PHF21B: variants seen among roughly 807,000 people sequenced by gnomAD.
PHF21B encodes PHD finger protein 21B, also known as PHD finger protein 4.
Under a neutral mutation model 62.2 loss-of-function variants are expected in PHF21B, and 22 were observed. The observed-to-expected ratio is 0.35, with a 90% confidence interval of 0.25 to 0.51. PHF21B has a LOEUF of 0.51. PHF21B is among the 20% of genes least tolerant of loss of function. PHF21B has a pLI of 0.97. For missense variants in PHF21B, 701 were observed against 707.9 expected (o/e 0.99, Z 0.11); for synonymous variants, 341 against 314.7 (o/e 1.08, Z -0.88).
intron 2 of PHF21B, among the ~76,000 whole-genome samples, chr22:44,938,294 C>T (rs1286019955): frequency 2.6e-5 from 4 of 152,132 alleles, no homozygotes; most frequent in Non-Finnish European, 5.9e-5. Context: ...AGTGCAGTGG[C>T]GCGGACTTGG....
intron 2 of PHF21B, among the ~76,000 whole-genome samples, chr22:44,939,179 T>C (rs1826960881): frequency 1.3e-5 from 2 of 152,156 alleles, no homozygotes; most frequent in Non-Finnish European, 2.9e-5. Flanking sequence ...AGACTCCCGC[T>C]GAGCCAAAAG....
intron 2 of PHF21B, among the ~76,000 whole-genome samples, chr22:44,992,501 G>A (rs891870464): frequency 5.3e-5 from 8 of 152,244 alleles, no homozygotes; most frequent in Admixed American, 2.6e-4. Flanking sequence ...TGTCAAGCAC[G>A]TCACCCACAT....
At chr22:44,945,323 C>T (rs2072045252) in intron 2 of PHF21B, among the ~76,000 whole-genome samples, 1 of 152,176 alleles carries the variant, frequency 6.6e-6, no homozygotes, top group African/African-American at 2.4e-5. Flanking sequence ...CCCCAGCGCC[C>T]TGTGAATGGG....
At position 45,009,187 on chromosome 22, in the gene PHF21B, G is replaced by A; in HGVS notation, c.54+309C>T. 2 of 421,374 alleles carry A rather than the reference G, an allele frequency of 4.7e-6. No individual in the cohort carries two copies. The highest frequency in any genetic ancestry group is 3.9e-6 in the Non-Finnish European group (1 of 257,406). 26.1% of individuals were successfully genotyped at this position (421,374 alleles called of 1,614,324 possible). A position where few individuals can be genotyped will look rare whatever the true frequency, so the allele number is the denominator to read the frequency against. On this transcript the variant is annotated intron_variant, in intron 1 of 12. Coordinates refer to ENST00000313237, the MANE Select transcript of PHF21B (RefSeq NM_138415.5). This position sits in a 1 kb window ranked among gnomAD's most constrained non-coding sequence, Gnocchi z 5.9. Reference sequence around the variant, plus strand: ...TATTCGCACTCCCCTCCCCGGGACCGGCTCACGAAGGGGCCCCCTCCAGGC... The same window carrying A: ...TATTCGCACTCCCCTCCCCGGGACCAGCTCACGAAGGGGCCCCCTCCAGGC...
intron 2 of PHF21B, among the ~76,000 whole-genome samples, chr22:44,938,200 G>C (rs557783620): frequency 3.3e-5 from 5 of 152,240 alleles, no homozygotes; most frequent in Admixed American, 2.6e-4. Context: ...TCAGTCTCCC[G>C]AGTAGCTGGG....
intron 2 of PHF21B, among the ~76,000 whole-genome samples, chr22:44,934,095 C>G (rs1268028738): frequency 6.6e-6 from 1 of 152,212 alleles, no homozygotes; most frequent in Admixed American, 6.5e-5. Context: ...CTGACGTGGG[C>G]ATGGCAGCCC....
At chr22:44,891,382 C>A in intron 7 of PHF21B, 22 bp from the exon 8 acceptor site, 3 of 1,612,062 alleles carry the variant, frequency 1.9e-6, no homozygotes, top group Non-Finnish European at 2.5e-6. Flanking sequence ...GAAAACAAAA[C>A]AACACACCCC....
intron 2 of PHF21B, among the ~76,000 whole-genome samples, chr22:44,981,349 C>T (rs1472454917): frequency 3.9e-5 from 6 of 152,198 alleles, no homozygotes; most frequent in African/African-American, 1.2e-4. Flanking sequence ...AGCTCCTTCT[C>T]GTGACCCCCT....
intron 5 of PHF21B, among the ~76,000 whole-genome samples, chr22:44,908,081 C>G (rs902387119): frequency 6.6e-6 from 1 of 152,196 alleles, no homozygotes; most frequent in Non-Finnish European, 1.5e-5. Flanking sequence ...CCCAAAGTAT[C>G]GGGCAGCCTC....
intron 5 of PHF21B, among the ~76,000 whole-genome samples, chr22:44,903,470 T>C (rs1451333405): frequency 6.6e-6 from 1 of 151,222 alleles, no homozygotes. Flanking sequence ...ATCCACAAAA[T>C]GAAGAAAAAA....
chr22:44,959,318 A>T (rs2350226), intron 2 of PHF21B, among the ~76,000 whole-genome samples: 5 of 152,204 alleles, frequency 3.3e-5, no homozygotes, highest in African/African-American at 4.8e-5. Context: ...CCACTTTGTG[A>T]TTCACGCCTT....
At chr22:44,914,282 C>G (rs1467056040) in intron 4 of PHF21B, among the ~76,000 whole-genome samples, 194 bp from the exon 5 acceptor site, 1 of 152,130 alleles carries the variant, frequency 6.6e-6, no homozygotes, top group African/African-American at 2.4e-5. Flanking sequence ...CACACCTTTT[C>G]CACCATGGGG....
chr22:44,990,967 C>A (rs1158683186), intron 2 of PHF21B, among the ~76,000 whole-genome samples: 1 of 152,240 alleles, frequency 6.6e-6, no homozygotes, highest in East Asian at 1.9e-4. Context: ...GTCTAACCAC[C>A]AACAGCGGGC....
chr22:45,004,456 G>A (rs1281882702), intron 2 of PHF21B, among the ~76,000 whole-genome samples: 1 of 152,206 alleles, frequency 6.6e-6, no homozygotes, highest in Non-Finnish European at 1.5e-5. Context: ...ACCGGGCTAG[G>A]CCTTGCTGTC....
At chr22:44,896,157 T>C (rs955599511) in intron 5 of PHF21B, 74 bp from the exon 6 acceptor site, 1 of 1,551,812 alleles carries the variant, frequency 6.4e-7, no homozygotes, top group Non-Finnish European at 8.9e-7. Flanking sequence ...AAACATCTGC[T>C]GTGGCAGGTG....
At chr22:44,912,300 T>A (rs926178426) in intron 5 of PHF21B, among the ~76,000 whole-genome samples, 1 of 152,134 alleles carries the variant, frequency 6.6e-6, no homozygotes, top group Admixed American at 6.5e-5. Flanking sequence ...TGGGAAGGCA[T>A]GATTGGTTTT....
intron 2 of PHF21B, among the ~76,000 whole-genome samples, chr22:44,930,503 C>T (rs967337412): frequency 2.9e-5 from 4 of 136,832 alleles, no homozygotes; most frequent in Non-Finnish European, 6.1e-5. Flanking sequence ...CAAGCTGGAC[C>T]GGAATGTTAC....
chr22:44,986,407 C>T (rs1213544846), intron 2 of PHF21B, among the ~76,000 whole-genome samples: 2 of 151,770 alleles, frequency 1.3e-5, no homozygotes, highest in Non-Finnish European at 2.9e-5. Context: ...CCATCACCAT[C>T]CTCATTACCA....
chr22:44,941,433 TCTC>T (rs772648736), intron 2 of PHF21B, among the ~76,000 whole-genome samples: 62 of 152,214 alleles, frequency 4.1e-4, no homozygotes, highest in African/African-American at 1.1e-3. Flanking sequence ...GGAAGCTCAG[TCTC>T]CTCCTCCTCC....
Sources: allele counts gnomAD v4.1 joint callset (sites outside exome capture counted in the v4.1 genomes callset), GRCh38; gene constraint gnomAD v4.1.1; non-coding constraint Gnocchi (gnomAD v3.1); transcripts MANE v1.5; gene names NCBI Gene and HGNC (gene_info 2026-07-23, HGNC 2026-07-21).